ZNF565: variants seen among roughly 807,000 people sequenced by gnomAD.
ZNF565 encodes the protein zinc finger protein 565.
Under a neutral mutation model 39.4 loss-of-function variants are expected in ZNF565, and 27 were observed. That is an observed-to-expected ratio of 0.69 (90% confidence interval 0.51 to 0.95). The LOEUF is 0.95. ZNF565 is among the 40% of genes least tolerant of loss of function. The pLI is 0.00. For synonymous variants in ZNF565, 185 were observed against 216.6 expected, an observed-to-expected ratio of 0.85 and a Z score of 1.28; for missense variants, 524 against 621.1, an observed-to-expected ratio of 0.84 and a Z score of 1.66.
At chr19:36,233,106 A>T (rs1029062419) in intron 1 of ZNF565, among the ~76,000 whole-genome samples, 1 of 152,254 alleles carries the variant, frequency 6.6e-6, no homozygotes. Flanking sequence ...GCTCCTGGCC[A>T]GGCGTGGTGG....
At position 36,194,739 on chromosome 19, in the gene ZNF565, A is replaced by G. The variant is rs539253273; in HGVS notation, c.136+291T>C. 3.0e-5 allele frequency: 16 copies of G among 533,886 alleles called. No homozygotes were observed. In the East Asian group the frequency reaches 3.9e-4, roughly 13 times the overall value. 33.1% of individuals were successfully genotyped at this position (533,886 alleles called of 1,614,324 possible). On this transcript the variant is annotated intron_variant, in intron 3 of 4. Coordinates refer to ENST00000304116, the MANE Select transcript of ZNF565 (RefSeq NM_152477.5). ...GTAAGGACTGCATTACCCATGCCCT[A>G]TGGCTTCTCATTGGCTTTGGCAGAC...
At chr19:36,229,186 T>A (rs1330855883) in intron 1 of ZNF565, among the ~76,000 whole-genome samples, 1 of 152,236 alleles carries the variant, frequency 6.6e-6, no homozygotes, top group East Asian at 1.9e-4. Flanking sequence ...TTTTTGTTAC[T>A]ACCTTCTCTC....
At chr19:36,233,395 G>A (rs989397183) in intron 1 of ZNF565, among the ~76,000 whole-genome samples, 26 of 152,194 alleles carry the variant, frequency 1.7e-4, no homozygotes, top group Non-Finnish European at 2.2e-4. Context: ...GGCGTTTCTC[G>A]TCAGGTGGAA....
chr19:36,206,344 C>T (rs557804601), intron 1 of ZNF565, among the ~76,000 whole-genome samples: 54 of 152,100 alleles, frequency 3.6e-4, no homozygotes, highest in Admixed American at 3.2e-3. Flanking sequence ...CACAGTAGCT[C>T]ACTCCTGTCA....
At chr19:36,184,079 T>TAAAA (rs752744030) in intron 4 of ZNF565, among the ~76,000 whole-genome samples, 3,078 of 38,948 alleles carry the variant, frequency 0.079, 511 homozygotes, top group Non-Finnish European at 0.1. Flanking sequence ...CTCTGTCTCA[T>TAAAA]AAAAAAAAAA....
rs185079323 is a variant in ZNF565, at chr19:36,231,910, A to T, written c.55+13566T>A. On this transcript the variant is annotated intron_variant, in intron 1 of 4. Coordinates refer to the ZNF565 transcript ENST00000355114. The stretch of plus-strand genomic sequence containing the variant: ...TTGAGACCCCGTATCTTTTTTATTT[A>T]AAAAAAAAAAGGCCAGACTCGGTGG... Among the ~76,000 whole-genome samples, 457 of 79,274 alleles carry T rather than the reference A, an allele frequency of 5.8e-3. 1 individual carries two copies. Among genetic ancestry groups the T allele is most frequent in the African/African-American group, 0.028 (422 of 15,002 alleles). 52.0% of individuals were successfully genotyped at this position (79,274 alleles called of 152,430 possible). A position where few individuals can be genotyped will look rare whatever the true frequency, so the allele number is the denominator to read the frequency against.
intron 1 of ZNF565, chr19:36,236,498 G>C (rs1262293237): frequency 1.7e-5 from 27 of 1,614,004 alleles, no homozygotes; most frequent in Non-Finnish European, 2.2e-5. Context: ...TGCCTGTAAG[G>C]TATGTGGAAA....
intron 4 of ZNF565, among the ~76,000 whole-genome samples, chr19:36,192,151 G>A (rs1975578888): frequency 6.6e-6 from 1 of 151,878 alleles, no homozygotes; most frequent in Non-Finnish European, 1.5e-5. Flanking sequence ...ACCACGCCCA[G>A]CTAATTTTTA....
rs137974334 is a variant in ZNF565, at chr19:36,231,857, G to A, written c.55+13619C>T. Among the ~76,000 whole-genome samples the A allele has an allele frequency of 2.7e-3, 403 of 151,964 alleles. 1 individual carries two copies. The highest frequency in any genetic ancestry group is 9.3e-3 in the African/African-American group (384 of 41,432). ...CGAGGCGGCAGATCTCTTGAGCCTAGGAGTTCTAGACCAGCCTGGGCAGCG... is the reference window on the plus strand; with the variant it reads ...CGAGGCGGCAGATCTCTTGAGCCTAAGAGTTCTAGACCAGCCTGGGCAGCG... On this transcript the variant is annotated intron_variant, in intron 1 of 4. Transcript: ENST00000355114.
chr19:36,194,161 C>T, intron 4 of ZNF565, 72 bp downstream of exon 4: 1 of 1,286,878 alleles, frequency 7.8e-7, no homozygotes, highest in Non-Finnish European at 1.1e-6. Context: ...GAACTTCCCA[C>T]AGTAACTCAA....
intron 1 of ZNF565, chr19:36,237,511 A>G (rs1304004597): frequency 1.1e-5 from 6 of 560,568 alleles, no homozygotes; most frequent in Admixed American, 3.8e-5. Flanking sequence ...CCTGTGTCCA[A>G]CAGAGAAACC....
At chr19:36,188,707 G>A (rs1479897805) in intron 4 of ZNF565, among the ~76,000 whole-genome samples, 5 of 131,190 alleles carry the variant, frequency 3.8e-5, no homozygotes, top group East Asian at 4.2e-4. Flanking sequence ...GTGAGACTCC[G>A]TCTCAAAAAA....
At chr19:36,197,689 CAA>C (rs1396550343) in intron 2 of ZNF565, among the ~76,000 whole-genome samples, 1 of 152,070 alleles carries the variant, frequency 6.6e-6, no homozygotes. Context: ...GAGGCAATAA[CAA>C]ATGCTAGTGA....
chr19:36,203,253 T>A, intron 1 of ZNF565: 1 of 150,554 alleles, frequency 6.6e-6, no homozygotes. Flanking sequence ...GGAGAATCGC[T>A]TGAACCCGGG....
chr19:36,210,074 G>A (rs1357981928), intron 1 of ZNF565, among the ~76,000 whole-genome samples: 2 of 151,770 alleles, frequency 1.3e-5, no homozygotes, highest in East Asian at 3.9e-4. Flanking sequence ...ACCAGCCTGG[G>A]CAAATAGTGA....
At chr19:36,243,179 G>A (rs1977827733) in intron 1 of ZNF565, among the ~76,000 whole-genome samples, 1 of 152,104 alleles carries the variant, frequency 6.6e-6, no homozygotes, top group Non-Finnish European at 1.5e-5. Flanking sequence ...GATGACAGGC[G>A]CCCTCCACCA....
intron 1 of ZNF565, among the ~76,000 whole-genome samples, chr19:36,233,570 G>C (rs1349297108): frequency 6.6e-6 from 1 of 152,182 alleles, no homozygotes; most frequent in African/African-American, 2.4e-5. Flanking sequence ...GTTTCTCGGA[G>C]AGGGGGATGT....
At chr19:36,193,519 C>T (rs1225644397) in intron 4 of ZNF565, among the ~76,000 whole-genome samples, 1 of 149,552 alleles carries the variant, frequency 6.7e-6, no homozygotes, top group Non-Finnish European at 1.5e-5. Context: ...CGGCTCACTG[C>T]AAGCTCCGCC....
At chr19:36,188,129 G>T (rs966267250) in intron 4 of ZNF565, among the ~76,000 whole-genome samples, 1 of 150,580 alleles carries the variant, frequency 6.6e-6, no homozygotes, top group Non-Finnish European at 1.5e-5. Flanking sequence ...AGCCAAGACA[G>T]ATGGATCATG....
Sources: allele counts gnomAD v4.1 joint callset (sites outside exome capture counted in the v4.1 genomes callset), GRCh38; gene constraint gnomAD v4.1.1; transcripts MANE v1.5; gene names NCBI Gene and HGNC (gene_info 2026-07-23, HGNC 2026-07-21).